Variants in FGD4 observed in about 807,000 individuals in gnomAD.
The protein encoded by FGD4 is FYVE, RhoGEF and PH domain containing 4, also known as FYVE, RhoGEF and PH domain-containing protein 4.
A neutral mutation model predicts 102.0 loss-of-function variants in FGD4; 42 were observed. That is an observed-to-expected ratio of 0.41 (90% CI 0.32 to 0.53). The LOEUF (loss-of-function observed/expected upper bound fraction) is 0.53. FGD4 is among the 20% of genes least tolerant of loss of function. The pLI is 0.21. For missense variants in FGD4, 902 were observed against 1,078.2 expected (o/e 0.84, Z 2.29); for synonymous variants, 380 against 375.7 (o/e 1.01, Z -0.13).
At chr12:32,500,172 C>T (rs962224167) in intron 1 of FGD4, among the ~76,000 whole-genome samples, 16 of 152,132 alleles carry the variant, frequency 1.1e-4, no homozygotes, top group Admixed American at 8.5e-4. Context: ...CTCGTTCCAA[C>T]GGTGAGACCA....
chr12:32,588,978 G>C (rs1252719231), intron 4 of FGD4, among the ~76,000 whole-genome samples: 1 of 152,172 alleles, frequency 6.6e-6, no homozygotes, highest in Non-Finnish European at 1.5e-5. Context: ...ACAGACTCAA[G>C]AGCCAGGTCC....
chr12:32,637,791 A>C (rs1057438677), intron 15 of FGD4: 1 of 152,090 alleles, frequency 6.6e-6, no homozygotes, highest in Non-Finnish European at 1.5e-5. Context: ...AGATCTCATG[A>C]GAACTCACGA....
intron 1 of FGD4, among the ~76,000 whole-genome samples, chr12:32,520,103 A>T (rs1260142493): frequency 6.6e-6 from 1 of 152,200 alleles, no homozygotes; most frequent in Non-Finnish European, 1.5e-5. Flanking sequence ...TGGTATTTAA[A>T]AATAGGTATT....
At chr12:32,559,841 A>G (rs967018383) in intron 1 of FGD4, among the ~76,000 whole-genome samples, 14 of 152,224 alleles carry the variant, frequency 9.2e-5, no homozygotes, top group African/African-American at 2.9e-4. Flanking sequence ...GACCTTTTTA[A>G]AAAGACTCAA....
intron 1 of FGD4, among the ~76,000 whole-genome samples, chr12:32,437,591 T>G (rs1305275371): frequency 6.6e-6 from 1 of 152,228 alleles, no homozygotes; most frequent in East Asian, 1.9e-4. Context: ...AGATTTCACA[T>G]AAGCAGATGT....
chr12:32,546,475 C>A (rs1289727986), intron 1 of FGD4, among the ~76,000 whole-genome samples: 1 of 152,234 alleles, frequency 6.6e-6, no homozygotes, highest in African/African-American at 2.4e-5. Context: ...CGTGGCTTTG[C>A]CACTTTTAAC....
chr12:32,455,295 C>A (rs1942918879), intron 1 of FGD4, among the ~76,000 whole-genome samples: 1 of 152,124 alleles, frequency 6.6e-6, no homozygotes, highest in Admixed American at 6.5e-5. Flanking sequence ...GTAGATTATA[C>A]TTATACATAA....
intron 1 of FGD4, among the ~76,000 whole-genome samples, chr12:32,479,060 T>G (rs1438906508): frequency 6.6e-6 from 1 of 152,234 alleles, no homozygotes; most frequent in East Asian, 1.9e-4. Context: ...GTCAAGTAAT[T>G]ATTGTATGTG....
At chr12:32,434,839 A>G (rs1285519157) in intron 1 of FGD4, among the ~76,000 whole-genome samples, 13 of 152,254 alleles carry the variant, frequency 8.5e-5, no homozygotes, top group Non-Finnish European at 1.5e-5. Flanking sequence ...TGTGCTATAT[A>G]TGAGTCAGAG....
At chr12:32,472,488 G>C (rs1283016281) in intron 1 of FGD4, among the ~76,000 whole-genome samples, 2 of 152,226 alleles carry the variant, frequency 1.3e-5, no homozygotes, top group Non-Finnish European at 2.9e-5. Flanking sequence ...GCCCACCGGT[G>C]CTGCGCTCAA....
Position 32,588,503 on chromosome 12 carries a change from C to T in FGD4, c.1011+6036C>T, listed in dbSNP as rs140200818. Among the ~76,000 whole-genome samples, 766 of 152,290 alleles carry T rather than the reference C, an allele frequency of 5.0e-3. 6 individuals carry two copies. Among genetic ancestry groups the T allele is most frequent in the African/African-American group, 0.017 (697 of 41,554 alleles). ...GAATCTAGGACGGACTGAGGGACCACAGCACGGAGGTAGCTTGCAGGCTTG... is the reference window on the plus strand; with the variant it reads ...GAATCTAGGACGGACTGAGGGACCATAGCACGGAGGTAGCTTGCAGGCTTG... On this transcript the variant is annotated intron_variant, in intron 4 of 16. Coordinates refer to ENST00000534526, the MANE Select transcript of FGD4 (RefSeq NM_001370298.3).
chr12:32,601,184 TA>T, intron 5 of FGD4, 93 bp from the exon 6 acceptor site: 1 of 1,331,276 alleles, frequency 7.5e-7, no homozygotes, highest in African/African-American at 1.5e-5. Flanking sequence ...ATTTGCTCAA[TA>T]AAAAGTTACT....
In FGD4 at chr12:32,521,094, A is replaced by G. The variant is rs149031950; in HGVS notation, c.167-43043A>G. 4.1e-3 allele frequency among the ~76,000 whole-genome samples: 622 copies of G among 152,212 alleles called. 7 individuals are homozygous for G. Among genetic ancestry groups the G allele is most frequent in the African/African-American group, 0.014 (600 of 41,528 alleles). On this transcript the variant is annotated intron_variant, in intron 1 of 16. Coordinates refer to ENST00000534526, the MANE Select transcript of FGD4 (RefSeq NM_001370298.3). ...AGACAGGGTCCCTGTCCTCTAGAAAAAAGGACATTGCAGGCTGGGCGCGGT... is the reference window on the plus strand; with the variant it reads ...AGACAGGGTCCCTGTCCTCTAGAAAGAAGGACATTGCAGGCTGGGCGCGGT...
At chr12:32,556,090 C>T (rs541601622) in intron 1 of FGD4, among the ~76,000 whole-genome samples, 3 of 152,186 alleles carry the variant, frequency 2.0e-5, no homozygotes, top group East Asian at 3.9e-4. Context: ...GTCCTCTCTC[C>T]GTGGCGTCCC....
chr12:32,516,042 G>T (rs925980818), intron 1 of FGD4, among the ~76,000 whole-genome samples: 1 of 152,080 alleles, frequency 6.6e-6, no homozygotes, highest in African/African-American at 2.4e-5. Context: ...AGTGCATGAT[G>T]TAATAACTAA....
In FGD4 at chr12:32,582,481, C is replaced by A. The variant is rs1946693729; in HGVS notation, c.1011+14C>A. The A allele has an allele frequency of 2.5e-6, 4 of 1,606,988 alleles. No individual in the cohort carries two copies. The South Asian group carries it at 4.4e-5, about 18-fold the overall frequency. On this transcript the variant is annotated intron_variant, in intron 4 of 16. Transcript: ENST00000534526. ...CATGAGATGAAGGTAGAGCATGAGA[C>A]TAGCTCATGAGCAGGGAAAACCCTG...
intron 1 of FGD4, among the ~76,000 whole-genome samples, chr12:32,557,499 T>C (rs559865037): frequency 1.3e-5 from 2 of 152,380 alleles, no homozygotes; most frequent in South Asian, 4.1e-4. Context: ...CCCAGTCTGC[T>C]GCATATGTTC....
intron 3 of FGD4, among the ~76,000 whole-genome samples, chr12:32,577,812 C>T (rs1481261967): frequency 6.6e-6 from 1 of 152,084 alleles, no homozygotes; most frequent in Non-Finnish European, 1.5e-5. Flanking sequence ...CTCATGTTTG[C>T]AAATTCCAGG....
chr12:32,453,803 C>T (rs1039771070), intron 1 of FGD4, among the ~76,000 whole-genome samples: 1 of 151,954 alleles, frequency 6.6e-6, no homozygotes, highest in African/African-American at 2.4e-5. Context: ...TTTACTAATC[C>T]ACACCCAGTA....
Sources: allele counts gnomAD v4.1 joint callset (sites outside exome capture counted in the v4.1 genomes callset), GRCh38; gene constraint gnomAD v4.1.1; transcripts MANE v1.5; gene names NCBI Gene and HGNC (gene_info 2026-07-23, HGNC 2026-07-21).